ERC1: variants seen among roughly 807,000 people sequenced by gnomAD.
The protein encoded by ERC1 is ELKS/RAB6-interacting/CAST family member 1.
Under a neutral mutation model 132.0 loss-of-function variants are expected in ERC1, and 56 were observed. That is an observed-to-expected ratio of 0.42 (90% CI 0.34 to 0.53). The LOEUF (loss-of-function observed/expected upper bound fraction) is 0.53. ERC1 is among the 20% of genes least tolerant of loss of function. The pLI is 0.03. For synonymous variants in ERC1, 478 were observed against 476.1 expected (o/e 1.00, Z -0.05); for missense variants, 1,202 against 1,349.9 (o/e 0.89, Z 1.72).
intron 12 of ERC1, among the ~76,000 whole-genome samples, chr12:1,212,157 C>A (rs1383566418): frequency 2.0e-5 from 3 of 152,244 alleles, no homozygotes; most frequent in South Asian, 2.1e-4. Context: ...GTAAGCTACG[C>A]ATTCCTTGCT....
chr12:1,106,619 G>A (rs1945293127), intron 4 of ERC1, among the ~76,000 whole-genome samples: 1 of 151,724 alleles, frequency 6.6e-6, no homozygotes, highest in African/African-American at 2.4e-5. Context: ...GTAGTTAATT[G>A]GTAGTCTTGA....
At chr12:1,225,459 C>CACAA (rs2074498207) in intron 12 of ERC1, among the ~76,000 whole-genome samples, 1 of 146,546 alleles carries the variant, frequency 6.8e-6, no homozygotes, top group Admixed American at 6.8e-5. Context: ...TACACACACA[C>CACAA]ACACACACAC....
chr12:1,262,987 G>A, intron 13 of ERC1, 47 bp from the exon 14 acceptor site: 1 of 1,601,032 alleles, frequency 6.2e-7, no homozygotes, highest in Non-Finnish European at 8.5e-7. Flanking sequence ...GGCTCTCCCT[G>A]GGTTAAGTAA....
chr12:1,126,986 CAA>C lies in ERC1; in HGVS notation c.1569+10979_1569+10980del, dbSNP rs71055135. ...CTGGCGACAGAGTGAGATTCTGTCTCAAAAAAAAAAAAAAAAAAAAAAAAAAA... is the reference window on the plus strand; with the variant it reads ...CTGGCGACAGAGTGAGATTCTGTCTCAAAAAAAAAAAAAAAAAAAAAAAAA... On this transcript the variant is annotated intron_variant, in intron 7 of 18. Coordinates refer to ENST00000360905, the MANE Select transcript of ERC1 (RefSeq NM_178040.4). Among the ~76,000 whole-genome samples, 210 of 114,064 alleles carry C rather than the reference CAA, an allele frequency of 1.8e-3. 1 individual carries two copies. Among genetic ancestry groups the C allele is most frequent in the African/African-American group, 7.4e-3 (173 of 23,310 alleles). The allele number at this position is 114,064 out of a possible 152,430, so 74.8% of individuals were successfully genotyped here.
intron 7 of ERC1, among the ~76,000 whole-genome samples, chr12:1,140,235 A>G (rs73591902): frequency 0.045 from 6,794 of 152,188 alleles, 507 homozygotes; most frequent in African/African-American, 0.16. Context: ...CTCCAATGAG[A>G]CTAGTCTTGT....
chr12:1,353,212 A>G (rs539643591), intron 15 of ERC1, among the ~76,000 whole-genome samples: 103 of 151,820 alleles, frequency 6.8e-4, no homozygotes, highest in African/African-American at 2.1e-3. Context: ...TTGTATTTGT[A>G]GTAGAGATGG....
chr12:1,069,136 T>C (rs1939855554), intron 2 of ERC1, among the ~76,000 whole-genome samples: 1 of 152,228 alleles, frequency 6.6e-6, no homozygotes, highest in African/African-American at 2.4e-5. Flanking sequence ...CTATTCCTTA[T>C]TGATGGACTT....
At chr12:1,099,507 G>T (rs1464891500) in intron 3 of ERC1, among the ~76,000 whole-genome samples, 1 of 152,132 alleles carries the variant, frequency 6.6e-6, no homozygotes, top group Non-Finnish European at 1.5e-5. Flanking sequence ...CCAAGACTAC[G>T]TCAGGATCTC....
chr12:1,199,906 T>G (rs558993080), intron 12 of ERC1, among the ~76,000 whole-genome samples: 4 of 151,132 alleles, frequency 2.6e-5, no homozygotes, highest in Non-Finnish European at 5.9e-5. Context: ...ATGAACAGAT[T>G]ACATAACTTT....
chr12:1,199,541 C>T (rs531410967), intron 12 of ERC1, among the ~76,000 whole-genome samples: 3 of 152,038 alleles, frequency 2.0e-5, no homozygotes, highest in South Asian at 4.2e-4. Flanking sequence ...GAGGCTGAGG[C>T]GGGTGGATCA....
chr12:1,300,854 G>A (rs907393911), intron 15 of ERC1, among the ~76,000 whole-genome samples: 2 of 152,056 alleles, frequency 1.3e-5, no homozygotes, highest in Non-Finnish European at 2.9e-5. Context: ...GTCGGTGGGA[G>A]TATAAATTAG....
intron 12 of ERC1, among the ~76,000 whole-genome samples, chr12:1,206,497 T>C (rs2154288077): frequency 6.6e-6 from 1 of 152,236 alleles, no homozygotes; most frequent in Non-Finnish European, 1.5e-5. Context: ...TCCCCTGCCC[T>C]GCTCTCCTCT....
intron 7 of ERC1, among the ~76,000 whole-genome samples, chr12:1,137,242 G>A (rs777094594): frequency 1.3e-5 from 2 of 151,220 alleles, no homozygotes; most frequent in Non-Finnish European, 2.9e-5. Flanking sequence ...GGGATTATAG[G>A]CAAGCGCCAC....
chr12:1,394,199 G>C (rs4766372), intron 16 of ERC1, among the ~76,000 whole-genome samples: 1 of 151,246 alleles, frequency 6.6e-6, no homozygotes, highest in African/African-American at 2.4e-5. Context: ...AGGAGATCGA[G>C]ACCATCCTGG....
At chr12:1,036,475 A>T (rs1365939220) in intron 2 of ERC1, among the ~76,000 whole-genome samples, 2 of 151,386 alleles carry the variant, frequency 1.3e-5, no homozygotes, top group East Asian at 3.9e-4. Context: ...CCCAGGTTCA[A>T]GTGATTCTCC....
At chr12:1,312,611 G>A (rs2081388113) in intron 15 of ERC1, among the ~76,000 whole-genome samples, 1 of 152,146 alleles carries the variant, frequency 6.6e-6, no homozygotes, top group Non-Finnish European at 1.5e-5. Context: ...TGCCCAGTTT[G>A]CCCTCCCAAA....
At chr12:1,239,013 G>A (rs921666290) in intron 13 of ERC1, among the ~76,000 whole-genome samples, 2 of 152,148 alleles carry the variant, frequency 1.3e-5, no homozygotes, top group Admixed American at 6.5e-5. Flanking sequence ...TTCAAATACC[G>A]TGAAAAGAGC....
chr12:1,232,801 T>A (rs930623423), intron 12 of ERC1, among the ~76,000 whole-genome samples: 1 of 152,172 alleles, frequency 6.6e-6, no homozygotes, highest in Non-Finnish European at 1.5e-5. Flanking sequence ...ATCAGTCATT[T>A]CATGTATCTC....
chr12:1,399,762 G>T (rs531427182), intron 16 of ERC1, among the ~76,000 whole-genome samples: 2 of 152,246 alleles, frequency 1.3e-5, no homozygotes, highest in African/African-American at 2.4e-5. Context: ...ATATGGATAT[G>T]CCAGATTTTA....
Sources: allele counts gnomAD v4.1 joint callset (sites outside exome capture counted in the v4.1 genomes callset), GRCh38; gene constraint gnomAD v4.1.1; transcripts MANE v1.5; gene names NCBI Gene and HGNC (gene_info 2026-07-23, HGNC 2026-07-21).